ANXA4: variants seen among roughly 807,000 people sequenced by gnomAD.
ANXA4 encodes annexin A4, also known as 35-beta calcimedin.
In ANXA4, 39 loss-of-function variants were observed where a neutral mutation model predicts 49.8. The observed-to-expected ratio is 0.78, with a 90% CI of 0.61 to 1.02. ANXA4 has a LOEUF of 1.02. Ranked by LOEUF, ANXA4 falls within the 50% of genes least tolerant of loss-of-function variation. The probability of loss-of-function intolerance (pLI) is 0.00; values close to 1 mark genes in which losing one functional copy is unlikely to be tolerated. For missense variants in ANXA4, 360 were observed against 410.1 expected (o/e 0.88, Z 1.05); for synonymous variants, 134 against 152.5 (o/e 0.88, Z 0.89).
At chr2:69,788,004 G>A (rs201885533) in intron 2 of ANXA4, 50 bp from the exon 3 acceptor site, 124 of 1,493,570 alleles carry the variant, frequency 8.3e-5, no homozygotes, top group Middle Eastern at 3.4e-4. Context: ...AGATGCCTCC[G>A]TGTTGGTGAG....
intron 2 of ANXA4, among the ~76,000 whole-genome samples, chr2:69,715,252 C>G (rs995256123): frequency 6.6e-6 from 1 of 152,122 alleles, no homozygotes; most frequent in Non-Finnish European, 1.5e-5. Context: ...CTCTGTCACC[C>G]AGGCTGGAGT....
At position 69,806,472 on chromosome 2, in the gene ANXA4, G is replaced by A. The variant is rs113756102; in HGVS notation, c.280G>A (p.Val94Met). 10 of 1,614,072 alleles carry A rather than the reference G, an allele frequency of 6.2e-6. No individual in the cohort carries two copies. Among genetic ancestry groups the A allele is most frequent in the East Asian group, 4.5e-5 (2 of 44,888 alleles). The stretch of plus-strand genomic sequence containing the variant: ...GATGACGCCCACGGTGCTGTATGAC[G>A]TGCAAGAGCTGCGAAGGGCCATGAA... Reference protein sequence around the residue: ...GMMTPTVLYDVQELRRAMKGA... With the variant: ...GMMTPTVLYDMQELRRAMKGA... Residue 94 changes from valine (V) to methionine (M), a missense_variant, in exon 5 of 13, where the codon GTG becomes ATG. Coordinates refer to ENST00000394295, the MANE Select transcript of ANXA4 (RefSeq NM_001153.5).
At chr2:69,686,559 C>T (rs746649185) in intron 2 of ANXA4, among the ~76,000 whole-genome samples, 1 of 152,134 alleles carries the variant, frequency 6.6e-6, no homozygotes, top group Non-Finnish European at 1.5e-5. Flanking sequence ...CTCAAGCGCT[C>T]CTCCCACCTC....
intron 2 of ANXA4, among the ~76,000 whole-genome samples, chr2:69,675,202 G>A (rs902604011): frequency 3.3e-5 from 5 of 152,212 alleles, no homozygotes; most frequent in Admixed American, 6.5e-5. Flanking sequence ...GATTACAGGC[G>A]TGAGCCACCG....
At position 69,765,966 on chromosome 2, in the gene ANXA4, C is replaced by T. The variant is rs375297064; in HGVS notation, c.-46-15554C>T. ...AATCAGCAGGCATTTCTTGCAGGCCCGCTATGTGCAAGGCACTGCTAAAAT... is the reference window on the plus strand; with the variant it reads ...AATCAGCAGGCATTTCTTGCAGGCCTGCTATGTGCAAGGCACTGCTAAAAT... On this transcript the variant is annotated intron_variant, in intron 1 of 12. Transcript: ENST00000394295. Among the ~76,000 whole-genome samples the T allele has an allele frequency of 1.8e-4, 28 of 152,266 alleles. No homozygotes were observed. The South Asian group carries it at 2.7e-3, about 15-fold the overall frequency.
chr2:69,748,247 C>T (rs1324395700), intron 1 of ANXA4, among the ~76,000 whole-genome samples: 1 of 151,768 alleles, frequency 6.6e-6, no homozygotes. Context: ...GGAATGGTGG[C>T]GGGTGCCCGT....
chr2:69,655,120 A>G (rs1399664333), intron 2 of ANXA4, among the ~76,000 whole-genome samples: 4 of 152,244 alleles, frequency 2.6e-5, no homozygotes, highest in Admixed American at 6.5e-5. Flanking sequence ...GGCCTGGGTA[A>G]AGACTTCATG....
chr2:69,825,090 A>C (rs1336726507), intron 12 of ANXA4, among the ~76,000 whole-genome samples: 13 of 130,996 alleles, frequency 9.9e-5, no homozygotes, highest in African/African-American at 3.3e-4. Context: ...AAAAAAAAAA[A>C]CCACAAACAA....
At chr2:69,722,794 T>TA (rs1314748466) in intron 3 of ANXA4, among the ~76,000 whole-genome samples, 3 of 151,010 alleles carry the variant, frequency 2.0e-5, no homozygotes, top group Non-Finnish European at 4.4e-5. Flanking sequence ...TTAACTACAA[T>TA]AAAAAATAGC....
At chr2:69,748,133 T>C (rs1211367826) in intron 1 of ANXA4, among the ~76,000 whole-genome samples, 6 of 151,910 alleles carry the variant, frequency 3.9e-5, no homozygotes, top group Admixed American at 2.0e-4. Flanking sequence ...CACAGCACTT[T>C]GGGAGGCTGA....
upstream of ANXA4, among the ~76,000 whole-genome samples, chr2:69,741,804 A>T (rs115803588): frequency 4.6e-5 from 7 of 152,258 alleles, no homozygotes; most frequent in South Asian, 1.5e-3. Context: ...CGGGACCCCA[A>T]GAATCCAACT....
At chr2:69,788,608 C>T (rs1337541798) in intron 3 of ANXA4, among the ~76,000 whole-genome samples, 2 of 151,822 alleles carry the variant, frequency 1.3e-5, no homozygotes, top group African/African-American at 4.8e-5. Context: ...GAGGCTGAGG[C>T]GGGTGGATCA....
chr2:69,690,759 T>G (rs1677936972), intron 2 of ANXA4, among the ~76,000 whole-genome samples: 1 of 152,214 alleles, frequency 6.6e-6, no homozygotes, highest in Non-Finnish European at 1.5e-5. Context: ...CTGCAAAACC[T>G]TTACCCATCA....
intron 2 of ANXA4, among the ~76,000 whole-genome samples, chr2:69,713,142 A>G (rs1317788305): frequency 1.3e-5 from 2 of 151,912 alleles, no homozygotes; most frequent in Admixed American, 6.6e-5. Flanking sequence ...GCTGCCTCCT[A>G]TTCTTTCCTG....
intron 3 of ANXA4, among the ~76,000 whole-genome samples, chr2:69,801,856 C>A (rs1371345787): frequency 6.6e-6 from 1 of 152,166 alleles, no homozygotes; most frequent in Non-Finnish European, 1.5e-5. Context: ...CCATAAGAAT[C>A]ACAGACATGC....
At chr2:69,772,541 G>T (rs1671767287) in intron 1 of ANXA4, among the ~76,000 whole-genome samples, 1 of 151,360 alleles carries the variant, frequency 6.6e-6, no homozygotes, top group East Asian at 1.9e-4. Context: ...ATTGTGTTTT[G>T]GGGGGTGCAT....
chr2:69,778,600 A>G (rs1166036434), intron 1 of ANXA4, among the ~76,000 whole-genome samples: 1 of 151,852 alleles, frequency 6.6e-6, no homozygotes, highest in Non-Finnish European at 1.5e-5. Flanking sequence ...ACATGGAGAA[A>G]CCCTGTCTCT....
chr2:69,769,979 T>G lies in ANXA4; in HGVS notation c.-46-11541T>G, dbSNP rs79918368. 4.7e-3 allele frequency among the ~76,000 whole-genome samples: 712 copies of G among 152,294 alleles called. 7 individuals are homozygous for G. The highest frequency in any genetic ancestry group is 7.3e-3 in the African/African-American group (304 of 41,564). On this transcript the variant is annotated intron_variant, in intron 1 of 12. Transcript: ENST00000394295. ...CACCAGGCCTAAGATACATGTTTTTTAATTACTTGTGGATTGAAAGGATTA... is the reference window on the plus strand; with the variant it reads ...CACCAGGCCTAAGATACATGTTTTTGAATTACTTGTGGATTGAAAGGATTA...
At chr2:69,674,804 C>A (rs1337834974) in intron 2 of ANXA4, among the ~76,000 whole-genome samples, 1 of 152,050 alleles carries the variant, frequency 6.6e-6, no homozygotes, top group Non-Finnish European at 1.5e-5. Context: ...GACTTCAATA[C>A]CTATTCTCTG....
Sources: allele counts gnomAD v4.1 joint callset (sites outside exome capture counted in the v4.1 genomes callset), GRCh38; gene constraint gnomAD v4.1.1; transcripts MANE v1.5; gene names NCBI Gene and HGNC (gene_info 2026-07-23, HGNC 2026-07-21).